The following CD109 variants were observed in gnomAD, a reference collection of about 807,000 sequenced individuals.
The protein encoded by CD109 is CD109 molecule.
In CD109, 149 loss-of-function variants were observed where a neutral mutation model predicts 165.8. The observed-to-expected ratio is 0.90, with a 90% CI of 0.79 to 1.03. CD109 has a LOEUF of 1.03. CD109 is among the 50% of genes least tolerant of loss of function. The pLI, the probability that CD109 is intolerant of heterozygous loss-of-function variation, is 0.00. For synonymous variants in CD109, 585 were observed against 592.1 expected (o/e 0.99, Z 0.18); for missense variants, 1,712 against 1,677.8 (o/e 1.02, Z -0.36).
chr6:73,771,572 A>G lies in CD109; in HGVS notation c.1818A>G (p.Thr606=). The change falls in exon 15 of 33, where the codon ACA becomes ACG. Residue 606 remains threonine, a synonymous_variant. Transcript: ENST00000287097. ...TGATGAATGCCTCTAATGATATTAC[A>G]ATGGAAAATGTGAGTTTAGCTATTT... ...VNLMNASNDI[T]MENVVHELEL... 1 of 1,563,740 alleles carries G rather than the reference A, an allele frequency of 6.4e-7. No individual in the cohort carries two copies. Among genetic ancestry groups the G allele is most frequent in the Non-Finnish European group, 8.6e-7 (1 of 1,158,652 alleles).
rs557460550 is a variant in CD109, at chr6:73,770,092, C to T, written c.1675-1337C>T. 2.6e-5 allele frequency among the ~76,000 whole-genome samples: 4 copies of T among 152,244 alleles called. No individual in the cohort carries two copies. The South Asian group carries it at 6.2e-4, about 24-fold the overall frequency. ...GGTAGTCTGTGTTTGCTAATTAGTACTTACTGAAGTTAGGTTTCCACCCTC... is the reference window on the plus strand; with the variant it reads ...GGTAGTCTGTGTTTGCTAATTAGTATTTACTGAAGTTAGGTTTCCACCCTC... On this transcript the variant is annotated intron_variant, in intron 14 of 32. Transcript: ENST00000287097.
intron 5 of CD109, among the ~76,000 whole-genome samples, chr6:73,738,597 CAT>C (rs1772634784): frequency 6.6e-6 from 1 of 152,210 alleles, no homozygotes; most frequent in African/African-American, 2.4e-5. Flanking sequence ...TAGGATTTAT[CAT>C]GTTGTGGTTT....
At position 73,759,065 on chromosome 6, in the gene CD109, A is replaced by T. The variant is rs1218313056; in HGVS notation, c.758+37A>T. On this transcript the variant is annotated intron_variant, in intron 7 of 32. Coordinates refer to ENST00000287097, the MANE Select transcript of CD109 (RefSeq NM_133493.5). The stretch of plus-strand genomic sequence containing the variant: ...TTTTCTTTTGATATGACTCAAAACC[A>T]TTATAAAACTGTGTGACCAAAAGCT... 6.1e-6 allele frequency: 8 copies of T among 1,317,338 alleles called. No homozygotes were observed. The South Asian group carries it at 8.7e-5, about 14-fold the overall frequency. The allele number at this position is 1,317,338 out of a possible 1,614,324, so 81.6% of individuals were successfully genotyped here.
At chr6:73,797,502 T>G (rs1441376571) in intron 23 of CD109, among the ~76,000 whole-genome samples, 3 of 152,210 alleles carry the variant, frequency 2.0e-5, no homozygotes, top group Admixed American at 2.0e-4. Context: ...TAAAAAACTG[T>G]GATGTTCTCA....
intron 31 of CD109, 141 bp from the exon 32 acceptor site, chr6:73,820,320 C>T: frequency 1.8e-6 from 1 of 550,770 alleles, no homozygotes; most frequent in Non-Finnish European, 3.2e-6. Flanking sequence ...ATAGGAAGTA[C>T]TTACTGCAGT....
chr6:73,803,433 T>G, intron 24 of CD109, 132 bp downstream of exon 24: 1 of 600,508 alleles, frequency 1.7e-6, no homozygotes, highest in Non-Finnish European at 3.0e-6. Flanking sequence ...TAGTCTGGCT[T>G]TAAAAAGAGA....
intron 10 of CD109, 53 bp downstream of exon 10, chr6:73,763,738 A>G: frequency 1.2e-6 from 1 of 860,660 alleles, no homozygotes; most frequent in Non-Finnish European, 1.8e-6. Flanking sequence ...GCTTAATGAA[A>G]TAGAATGGGA....
In CD109 at chr6:73,696,336, C is replaced by A. The variant is rs1770837029; in HGVS notation, c.74+47C>A. 2.9e-6 allele frequency: 4 copies of A among 1,371,022 alleles called. No homozygotes were observed. In the South Asian group the frequency reaches 6.6e-5, roughly 23 times the overall value. 84.9% of individuals were successfully genotyped at this position (1,371,022 alleles called of 1,614,324 possible). ...GGGCGCGCGGGCGCGCGGGCCTGGG[C>A]CGCTCTGCGGCTCTGGGCCAGGGCT... On this transcript the variant is annotated intron_variant, in intron 1 of 32. Coordinates refer to ENST00000287097, the MANE Select transcript of CD109 (RefSeq NM_133493.5).
intron 15 of CD109, among the ~76,000 whole-genome samples, chr6:73,776,364 T>C (rs1255040480): frequency 6.6e-6 from 1 of 152,022 alleles, no homozygotes; most frequent in Non-Finnish European, 1.5e-5. Flanking sequence ...GTAATTCTCC[T>C]GCCTCAGCCT....
At chr6:73,737,738 G>C (rs12524850) in intron 5 of CD109, among the ~76,000 whole-genome samples, 2 of 152,156 alleles carry the variant, frequency 1.3e-5, no homozygotes, top group Non-Finnish European at 2.9e-5. Flanking sequence ...GTGAAACTTA[G>C]AAAATAGGGA....
At chr6:73,788,751 A>G in intron 22 of CD109, 139 bp downstream of exon 22, 1 of 677,082 alleles carries the variant, frequency 1.5e-6, no homozygotes, top group Non-Finnish European at 2.4e-6. Flanking sequence ...CCAACAACTC[A>G]TTATAATATG....
chr6:73,722,659 T>C (rs1460781379), intron 2 of CD109, among the ~76,000 whole-genome samples: 1 of 152,250 alleles, frequency 6.6e-6, no homozygotes, highest in Non-Finnish European at 1.5e-5. Context: ...ATAGGAACTT[T>C]GGACAAGTTC....
intron 15 of CD109, among the ~76,000 whole-genome samples, chr6:73,778,231 G>A (rs1018198991): frequency 6.6e-6 from 1 of 152,194 alleles, no homozygotes; most frequent in African/African-American, 2.4e-5. Context: ...GTATAGGAAT[G>A]CTAGTGATTT....
chr6:73,772,287 C>T (rs1216062977), intron 15 of CD109, among the ~76,000 whole-genome samples: 5 of 151,998 alleles, frequency 3.3e-5, no homozygotes, highest in African/African-American at 1.2e-4. Flanking sequence ...GGGTGGATCA[C>T]GAGGTCAGGA....
chr6:73,721,841 A>G (rs1480640643), intron 2 of CD109, among the ~76,000 whole-genome samples: 1 of 152,014 alleles, frequency 6.6e-6, no homozygotes, highest in East Asian at 1.9e-4. Flanking sequence ...GGTTCAAGCA[A>G]TCCTCCTTCC....
At chr6:73,783,431 GA>G (rs1391486839) in intron 18 of CD109, among the ~76,000 whole-genome samples, 6 of 152,088 alleles carry the variant, frequency 3.9e-5, no homozygotes, top group Admixed American at 3.9e-4. Flanking sequence ...AAAAATTTGT[GA>G]AAAAATAATG....
At chr6:73,766,924 A>T in intron 12 of CD109, 24 bp from the exon 13 acceptor site, 1 of 1,612,254 alleles carries the variant, frequency 6.2e-7, no homozygotes, top group Non-Finnish European at 8.5e-7. Context: ...TGATATGTAC[A>T]TATTAATTAA....
chr6:73,786,203 G>T (rs368792027), intron 20 of CD109, among the ~76,000 whole-genome samples: 4 of 152,216 alleles, frequency 2.6e-5, no homozygotes, highest in African/African-American at 9.6e-5. Context: ...CACGTACCTT[G>T]TATCTCCTTA....
chr6:73,687,879 GAACTGCCTC>G, the CD109 span, among the ~76,000 whole-genome samples: 5 of 152,180 alleles, frequency 3.3e-5, no homozygotes, highest in Non-Finnish European at 7.3e-5. Context: ...CACAAAGTGG[GAACTGCCTC>G]AGCTGGCCTG....
Sources: allele counts gnomAD v4.1 joint callset (sites outside exome capture counted in the v4.1 genomes callset), GRCh38; gene constraint gnomAD v4.1.1; transcripts MANE v1.5; gene names NCBI Gene and HGNC (gene_info 2026-07-23, HGNC 2026-07-21).